Variants in NRCAM observed in about 807,000 individuals in gnomAD.
NRCAM encodes NgCAM-related cell adhesion molecule.
NRCAM carries 83 observed loss-of-function variants against 156.5 expected under a neutral mutation model. The ratio of observed to expected loss-of-function variants is 0.53; its 90% CI spans 0.44 to 0.64. The LOEUF is 0.64. Ranked by LOEUF, NRCAM falls within the 30% of genes least tolerant of loss-of-function variation. The probability of loss-of-function intolerance (pLI) is 0.00; values close to 1 mark genes in which losing one functional copy is unlikely to be tolerated. For synonymous variants in NRCAM, 538 were observed against 563.9 expected, an observed-to-expected ratio of 0.95 and a Z score of 0.65; for missense variants, 1,417 against 1,597.3, an observed-to-expected ratio of 0.89 and a Z score of 1.92.
At chr7:108,312,575 T>A (rs1012995207) in intron 3 of NRCAM, 90 bp downstream of exon 3, 1 of 152,220 alleles carries the variant, frequency 6.6e-6, no homozygotes, top group Non-Finnish European at 1.5e-5. Flanking sequence ...GTATTAAATA[T>A]GGCAATAATA....
chr7:108,350,312 C>T (rs2099402476), intron 2 of NRCAM, among the ~76,000 whole-genome samples: 1 of 152,194 alleles, frequency 6.6e-6, no homozygotes, highest in African/African-American at 2.4e-5. Context: ...CCCCTTGGGA[C>T]TCATCCTTCT....
At chr7:108,160,197 T>C (rs527680490) in intron 31 of NRCAM, among the ~76,000 whole-genome samples, 164 bp downstream of exon 31, 109 of 152,274 alleles carry the variant, frequency 7.2e-4, no homozygotes, top group African/African-American at 2.5e-3. Context: ...AATGTTTAGA[T>C]TGCCATTATA....
At chr7:108,150,604 T>G in intron 32 of NRCAM, 1 of 482,524 alleles carries the variant, frequency 2.1e-6, no homozygotes, top group South Asian at 1.6e-5. Context: ...AAATGTGGAT[T>G]TTTTTTTTCT....
In NRCAM at chr7:108,160,315, G is replaced by T. The variant is rs1442611829; in HGVS notation, c.3598+46C>A. ...CCCCCATGATCTTTTTAGTTTAATG[G>T]ATTATTATGTAGCATTATAAAGCAA... is the stretch of plus-strand genomic sequence containing the variant. On this transcript the variant is annotated intron_variant, in intron 31 of 32. Coordinates refer to ENST00000379028, the MANE Select transcript of NRCAM (RefSeq NM_001037132.4). 2.6e-6 allele frequency: 4 copies of T among 1,546,336 alleles called. No homozygotes were observed. The South Asian group carries it at 3.4e-5, about 13-fold the overall frequency.
intron 1 of NRCAM, among the ~76,000 whole-genome samples, chr7:108,441,513 T>A (rs1838481192): frequency 6.6e-6 from 1 of 152,216 alleles, no homozygotes; most frequent in African/African-American, 2.4e-5. Context: ...GAAGTTTGGG[T>A]CATAACTGTA....
chr7:108,398,508 C>CAA, intron 2 of NRCAM, among the ~76,000 whole-genome samples: 1 of 152,320 alleles, frequency 6.6e-6, no homozygotes, highest in South Asian at 2.1e-4. Context: ...CTGATAACAC[C>CAA]TCAGTGCTTC....
intron 23 of NRCAM, 128 bp from the exon 24 acceptor site, chr7:108,182,065 G>T (rs1010901694): frequency 1.6e-6 from 1 of 614,176 alleles, no homozygotes; most frequent in Non-Finnish European, 2.8e-6. Flanking sequence ...ATTAAGGCTT[G>T]AACACAGATT....
rs115565154 is a variant in NRCAM at position 108,307,213 on chromosome 7, G to A, written c.-107+5452C>T. Among the ~76,000 whole-genome samples, 676 of 152,342 alleles carry A rather than the reference G, an allele frequency of 4.4e-3. 5 individuals are homozygous for A. Among genetic ancestry groups the A allele is most frequent in the African/African-American group, 0.015 (641 of 41,582 alleles). On this transcript the variant is annotated intron_variant, in intron 3 of 32. Transcript: ENST00000379028. ...TCATGTGAGCGAAGCAGCAGCCGGG[G>A]AGAAGGCATATCCAACACACCTCAG...
At position 108,261,888 on chromosome 7, in the gene NRCAM, T is replaced by C. The variant is rs547001371; in HGVS notation, c.-106-21718A>G. ...TCTTGTGAGGGCCAGTCTAGACCAG[T>C]GAAGATCTGGAGTCAGTGGATAAAA... On this transcript the variant is annotated intron_variant, in intron 3 of 32. Coordinates refer to ENST00000379028, the MANE Select transcript of NRCAM (RefSeq NM_001037132.4). 2.4e-4 allele frequency among the ~76,000 whole-genome samples: 37 copies of C among 152,254 alleles called. No homozygotes were observed. The South Asian group carries it at 7.5e-3, about 31-fold the overall frequency.
chr7:108,333,547 C>A (rs890949238), intron 2 of NRCAM, among the ~76,000 whole-genome samples: 10 of 152,074 alleles, frequency 6.6e-5, no homozygotes, highest in Admixed American at 2.6e-4. Flanking sequence ...AAATCTATCA[C>A]CTGTTCTTAG....
intron 11 of NRCAM, among the ~76,000 whole-genome samples, chr7:108,212,899 C>T (rs1349492705): frequency 6.6e-6 from 1 of 152,162 alleles, no homozygotes; most frequent in East Asian, 1.9e-4. Flanking sequence ...GCACAAAGAA[C>T]ACCTGGAAAA....
At chr7:108,218,730 T>C (rs539985146) in intron 11 of NRCAM, among the ~76,000 whole-genome samples, 3 of 152,248 alleles carry the variant, frequency 2.0e-5, no homozygotes, top group East Asian at 1.9e-4. Flanking sequence ...GGAAAGTTCA[T>C]AGCTCTAAAC....
chr7:108,405,661 A>G (rs1308107410), intron 1 of NRCAM, among the ~76,000 whole-genome samples: 6 of 152,214 alleles, frequency 3.9e-5, no homozygotes, highest in Non-Finnish European at 7.3e-5. Flanking sequence ...AAAACTTTGC[A>G]AAGAGGAGGG....
intron 3 of NRCAM, among the ~76,000 whole-genome samples, chr7:108,279,992 T>A (rs1338507951): frequency 6.6e-6 from 1 of 152,188 alleles, no homozygotes; most frequent in Non-Finnish European, 1.5e-5. Flanking sequence ...TCCCACATGT[T>A]CAGCTGCACA....
intron 2 of NRCAM, among the ~76,000 whole-genome samples, chr7:108,322,548 T>C (rs1378182497): frequency 6.6e-6 from 1 of 152,212 alleles, no homozygotes; most frequent in Non-Finnish European, 1.5e-5. Flanking sequence ...ATGGAACTTT[T>C]TGAGCATAAA....
intron 11 of NRCAM, among the ~76,000 whole-genome samples, chr7:108,215,779 T>A (rs1313765130): frequency 1.4e-5 from 2 of 147,952 alleles, no homozygotes; most frequent in African/African-American, 5.0e-5. Context: ...TATTCCTCCA[T>A]CCCTTTATTT....
chr7:108,256,637 C>T (rs1417447042), intron 3 of NRCAM, among the ~76,000 whole-genome samples: 3 of 151,924 alleles, frequency 2.0e-5, no homozygotes, highest in African/African-American at 4.8e-5. Flanking sequence ...TAAAAACAAA[C>T]AACAACAAAA....
chr7:108,189,063 CCTTAT>C (rs10543736), intron 20 of NRCAM, among the ~76,000 whole-genome samples: 106,151 of 150,754 alleles, frequency 0.7, 38,571 homozygotes, highest in East Asian at 0.96. Context: ...CATTGTCCTT[CCTTAT>C]CTTATTTCCT....
At chr7:108,412,087 TAC>T (rs1255168206) in intron 1 of NRCAM, among the ~76,000 whole-genome samples, 3 of 152,224 alleles carry the variant, frequency 2.0e-5, no homozygotes, top group Non-Finnish European at 4.4e-5. Flanking sequence ...TATTATGATT[TAC>T]ACATTCATAA....
Sources: gnomAD v4.1 joint callset for allele counts (sites outside exome capture counted in the v4.1 genomes callset) on GRCh38, gnomAD v4.1.1 for gene constraint, MANE v1.5 for transcripts, NCBI Gene and HGNC (gene_info 2026-07-23, HGNC 2026-07-21) for gene names.